The following SH3KBP1 variants were observed in gnomAD, a reference collection of about 807,000 sequenced individuals.
SH3KBP1 encodes SH3 domain containing kinase binding protein 1.
A neutral mutation model predicts 50.1 loss-of-function variants in SH3KBP1; 8 were observed. That is an observed-to-expected ratio of 0.16 (90% confidence interval 0.09 to 0.29). SH3KBP1 has a LOEUF of 0.29. Among genes scored for constraint, SH3KBP1 ranks in the 10% least tolerant of loss-of-function variants. The pLI is 1.00. For missense variants in SH3KBP1, 377 were observed against 535.2 expected, an observed-to-expected ratio of 0.70 and a Z score of 2.92; for synonymous variants, 227 against 218.6, an observed-to-expected ratio of 1.04 and a Z score of -0.34.
At chrX:19,818,002 G>A (rs967341813) in intron 2 of SH3KBP1, among the ~76,000 whole-genome samples, 1 of 112,061 alleles carries the variant, frequency 8.9e-6, no homozygotes, top group South Asian at 3.6e-4. Context: ...GTAACATGCT[G>A]TGCAGGTTTG....
At chrX:19,564,386 A>G (rs1482832106) in intron 13 of SH3KBP1, among the ~76,000 whole-genome samples, 1 of 112,136 alleles carries the variant, frequency 8.9e-6, no homozygotes, top group Non-Finnish European at 1.9e-5. Context: ...AGTATTGATC[A>G]AATTTGTTAT....
chrX:19,738,561 G>A (rs1209510200), intron 3 of SH3KBP1, among the ~76,000 whole-genome samples: 1 of 109,458 alleles, frequency 9.1e-6, no homozygotes, highest in East Asian at 2.9e-4. Context: ...TGTACTGTGT[G>A]GAGCTTGCAC....
intron 3 of SH3KBP1, among the ~76,000 whole-genome samples, chrX:19,716,985 A>G (rs754003753): frequency 1.8e-5 from 2 of 110,911 alleles, no homozygotes; most frequent in South Asian, 7.9e-4. Context: ...GAAGCGTAGA[A>G]CAAGATGTGA....
rs1228508094 is a variant in SH3KBP1, at chrX:19,600,906, A to G, written c.1006-5906T>C. ...AAGTCATCACAGGAGTCCCCCCTGC[A>G]GCTGAGATCACTGAGGCCCAGAAAG... On this transcript the variant is annotated intron_variant, in intron 9 of 17. Transcript: ENST00000397821. Among the ~76,000 whole-genome samples, 3 of 111,803 alleles carry G rather than the reference A, an allele frequency of 2.7e-5. No individual in the cohort carries two copies. In the Admixed American group the frequency reaches 2.8e-4, roughly 11 times the overall value.
chrX:19,772,764 T>C (rs1055946007), intron 2 of SH3KBP1, among the ~76,000 whole-genome samples: 3 of 111,325 alleles, frequency 2.7e-5, no homozygotes, highest in Admixed American at 1.9e-4. Context: ...GGGAGGAGGA[T>C]GTAAACCACA....
chrX:19,745,974 G>A (rs1037184901), intron 3 of SH3KBP1, among the ~76,000 whole-genome samples: 2 of 112,184 alleles, frequency 1.8e-5, no homozygotes, highest in Admixed American at 9.4e-5. Context: ...GGGAGAGTGC[G>A]GTCAGACACA....
intron 3 of SH3KBP1, among the ~76,000 whole-genome samples, chrX:19,743,133 C>T (rs774415354): frequency 4.8e-4 from 54 of 112,075 alleles, no homozygotes; most frequent in Non-Finnish European, 8.6e-4. Flanking sequence ...GCCAGCCAGT[C>T]ACAGTGGCTT....
At chrX:19,541,148 C>G (rs539865590) in intron 16 of SH3KBP1, among the ~76,000 whole-genome samples, 19 of 112,054 alleles carry the variant, frequency 1.7e-4, no homozygotes, top group South Asian at 1.1e-3. Flanking sequence ...AACTCCTGAC[C>G]TCAGGTGATT....
intron 3 of SH3KBP1, among the ~76,000 whole-genome samples, chrX:19,739,016 A>G (rs1391829187): frequency 4.3e-5 from 4 of 93,737 alleles, no homozygotes; most frequent in African/African-American, 1.3e-4. Context: ...GCCTCCAAGA[A>G]AAAAAAAAAA....
intron 3 of SH3KBP1, among the ~76,000 whole-genome samples, chrX:19,737,645 C>G (rs1199252181): frequency 9.0e-6 from 1 of 111,639 alleles, no homozygotes; most frequent in Admixed American, 9.5e-5. Flanking sequence ...ATAAAAACCA[C>G]CTCTGGAATC....
intron 13 of SH3KBP1, among the ~76,000 whole-genome samples, chrX:19,560,238 T>C (rs1481015417): frequency 2.8e-5 from 3 of 108,680 alleles, no homozygotes; most frequent in East Asian, 2.8e-4. Context: ...AACCCCTAGA[T>C]TAGATCTTAT....
chrX:19,677,869 G>A (rs746320507), intron 6 of SH3KBP1, among the ~76,000 whole-genome samples: 4 of 112,146 alleles, frequency 3.6e-5, no homozygotes, highest in East Asian at 2.8e-4. Context: ...CACTCCTGCC[G>A]TTCTCTTCCC....
intron 16 of SH3KBP1, 87 bp from the exon 17 acceptor site, chrX:19,537,867 C>A: frequency 1.4e-6 from 1 of 734,766 alleles, no homozygotes; most frequent in Non-Finnish European, 2.1e-6. Context: ...CTACAAAATC[C>A]ATCTGATCCT....
At chrX:19,550,148 A>G in intron 13 of SH3KBP1, 65 bp from the exon 14 acceptor site, 2 of 686,555 alleles carry the variant, frequency 2.9e-6, no homozygotes, top group Non-Finnish European at 4.6e-6. Flanking sequence ...GATATGTCAT[A>G]AGCACCTCTC....
chrX:19,794,751 C>T (rs1382064009), intron 2 of SH3KBP1, among the ~76,000 whole-genome samples: 2 of 111,619 alleles, frequency 1.8e-5, no homozygotes, highest in Non-Finnish European at 3.8e-5. Flanking sequence ...GATAACAGTG[C>T]CTGCCTCACA....
At chrX:19,572,249 G>T (rs56329903) in intron 12 of SH3KBP1, among the ~76,000 whole-genome samples, 388 of 99,328 alleles carry the variant, frequency 3.9e-3, no homozygotes, top group African/African-American at 0.015. Flanking sequence ...ATGTTATATA[G>T]AGTACATATA....
chrX:19,820,809 A>C (rs1477437179), intron 2 of SH3KBP1, among the ~76,000 whole-genome samples: 1 of 110,880 alleles, frequency 9.0e-6, no homozygotes, highest in African/African-American at 3.3e-5. Context: ...CATTCTTTAG[A>C]ATTTCCTTTT....
chrX:19,690,194 G>C (rs1292988451), intron 5 of SH3KBP1, among the ~76,000 whole-genome samples: 1 of 109,584 alleles, frequency 9.1e-6, no homozygotes, highest in South Asian at 4.0e-4. Flanking sequence ...TGAGTATCTG[G>C]GACCACAGGC....
chrX:19,755,808 T>A (rs1377731767), intron 2 of SH3KBP1, among the ~76,000 whole-genome samples: 1 of 112,070 alleles, frequency 8.9e-6, no homozygotes, highest in East Asian at 2.8e-4. Flanking sequence ...ATGTTATCTA[T>A]AGATTCCAGA....
Sources: gnomAD v4.1 joint callset for allele counts (sites outside exome capture counted in the v4.1 genomes callset) on GRCh38, gnomAD v4.1.1 for gene constraint, MANE v1.5 for transcripts, NCBI Gene and HGNC (gene_info 2026-07-23, HGNC 2026-07-21) for gene names.